INPP5A: variants seen among roughly 807,000 people sequenced by gnomAD.
INPP5A encodes 43 kDa inositol polyphosphate 5-phophatase.
In INPP5A, 14 loss-of-function variants were observed where a neutral mutation model predicts 65.2. That is an observed-to-expected ratio of 0.21 (90% CI 0.14 to 0.34). INPP5A has a LOEUF of 0.34. INPP5A is among the 10% of genes least tolerant of loss of function. The pLI is 1.00. For synonymous variants in INPP5A, 207 were observed against 208.3 expected, an observed-to-expected ratio of 0.99 and a Z score of 0.05; for missense variants, 431 against 545.6, an observed-to-expected ratio of 0.79 and a Z score of 2.09.
At chr10:132,631,828 A>G (rs2072279110) in intron 2 of INPP5A, among the ~76,000 whole-genome samples, 1 of 152,244 alleles carries the variant, frequency 6.6e-6, no homozygotes, top group Admixed American at 6.5e-5. Context: ...AGGACACTAT[A>G]ATAAAACAAC....
chr10:132,541,512 T>C (rs182662824), intron 1 of INPP5A, among the ~76,000 whole-genome samples: 11 of 152,332 alleles, frequency 7.2e-5, no homozygotes. Context: ...CCCCAAGCCC[T>C]TATCCCTCAC....
Position 132,590,453 on chromosome 10 carries a change from A to T in INPP5A, c.76-17462A>T, listed in dbSNP as rs1590851223. Among the ~76,000 whole-genome samples the T allele has an allele frequency of 2.0e-5, 3 of 152,220 alleles. No homozygotes were observed. In the South Asian group the frequency reaches 6.2e-4, roughly 32 times the overall value. On this transcript the variant is annotated intron_variant, in intron 1 of 15. Transcript: ENST00000368594. ...TGGGAAGTCAGGCTGGCTGTGTCCA[A>T]CACCTCCTGGGGCACAGAGGAGTGT...
chr10:132,671,325 TC>T (rs1414564509), intron 4 of INPP5A, among the ~76,000 whole-genome samples: 1 of 147,646 alleles, frequency 6.8e-6, no homozygotes, highest in Non-Finnish European at 1.5e-5. Context: ...GCTTGTGCCC[TC>T]CCTGCTTCGG....
rs1324786831 is a variant in INPP5A, at chr10:132,648,509, G to T, written c.219-1909G>T. On this transcript the variant is annotated intron_variant, in intron 3 of 15. Coordinates refer to ENST00000368594, the MANE Select transcript of INPP5A (RefSeq NM_005539.5). ...TTGTGTGGATTCTGCTTTTTATCTG[G>T]CACCCTTCTCTCTCTGCCTGAAGAA... is the stretch of plus-strand genomic sequence containing the variant. 2.6e-5 allele frequency among the ~76,000 whole-genome samples: 4 copies of T among 152,192 alleles called. No homozygotes were observed. In the South Asian group the frequency reaches 8.3e-4, roughly 32 times the overall value.
chr10:132,718,763 C>G (rs1845797050), intron 8 of INPP5A, among the ~76,000 whole-genome samples: 1 of 148,642 alleles, frequency 6.7e-6, no homozygotes, highest in Admixed American at 6.7e-5. Context: ...AGACGACTGT[C>G]TTCAGGGTTC....
Position 132,782,029 on chromosome 10 carries a change from C to T in INPP5A, c.*8-8C>T, listed in dbSNP as rs140711924. On this transcript the variant is annotated splice_region_variant and splice_polypyrimidine_tract_variant and intron_variant, in intron 15 of 15. Transcript: ENST00000368594. This position sits in a 1 kb window ranked among gnomAD's most constrained non-coding sequence, Gnocchi z 4.4. ...TGTTCCTTTAACAAATTACGAATTC[C>T]GTGACAGGGAAGAGATGCCAGCGCC... 1.2e-4 allele frequency: 193 copies of T among 1,602,014 alleles called. No homozygotes were observed. The highest frequency in any genetic ancestry group is 1.0e-3 in the Middle Eastern group (6 of 6,030).
intron 1 of INPP5A, among the ~76,000 whole-genome samples, chr10:132,561,088 C>T (rs1416864671): frequency 6.7e-6 from 1 of 148,202 alleles, no homozygotes; most frequent in African/African-American, 2.5e-5. Context: ...GGGTCTTCCC[C>T]TGTTGCCCAG....
At chr10:132,670,489 T>C (rs1159302766) in intron 4 of INPP5A, among the ~76,000 whole-genome samples, 1 of 136,496 alleles carries the variant, frequency 7.3e-6, no homozygotes, top group Admixed American at 7.4e-5. Flanking sequence ...TCTGCTGTAG[T>C]CCCCAGCCCC....
At chr10:132,725,659 GA>G (rs1361702427) in intron 8 of INPP5A, among the ~76,000 whole-genome samples, 2 of 152,372 alleles carry the variant, frequency 1.3e-5, no homozygotes, top group African/African-American at 4.8e-5. Flanking sequence ...TCCCAGCAGT[GA>G]CCTGCCCGGG....
chr10:132,687,902 G>A (rs956165872), intron 4 of INPP5A, among the ~76,000 whole-genome samples: 7 of 152,224 alleles, frequency 4.6e-5, no homozygotes, highest in African/African-American at 7.2e-5. Context: ...CTTGCCAGCC[G>A]GCCTCTCTTT....
intron 4 of INPP5A, among the ~76,000 whole-genome samples, chr10:132,668,271 C>T (rs2072833363): frequency 2.6e-5 from 4 of 152,148 alleles, no homozygotes; most frequent in African/African-American, 9.7e-5. Flanking sequence ...GAGAGCCTCA[C>T]GTTCCTGCCA....
In INPP5A at chr10:132,546,311, G is replaced by T. The variant is rs557248780; in HGVS notation, c.75+8140G>T. ...TGTTGGGAAAAGGCCCTCTGCTGCC[G>T]CTCCAGGTTCAGAAGATGCCGCTTC... On this transcript the variant is annotated intron_variant, in intron 1 of 15. Transcript: ENST00000368594. The surrounding 1 kb of genome is among the most constrained non-coding windows in gnomAD (Gnocchi z 5.7). Among the ~76,000 whole-genome samples the T allele has an allele frequency of 6.6e-6, 1 of 152,190 alleles. No individual in the cohort carries two copies. The highest frequency in any genetic ancestry group is 2.4e-5 in the African/African-American group (1 of 41,460).
At chr10:132,740,771 G>A (rs1168320200) in intron 9 of INPP5A, among the ~76,000 whole-genome samples, 2 of 152,154 alleles carry the variant, frequency 1.3e-5, no homozygotes, top group African/African-American at 4.8e-5. Context: ...GATGGGACTT[G>A]GCAAGTTTCT....
chr10:132,683,650 C>G (rs1034505208), intron 4 of INPP5A, among the ~76,000 whole-genome samples: 1 of 152,230 alleles, frequency 6.6e-6, no homozygotes, highest in Non-Finnish European at 1.5e-5. Flanking sequence ...GCATCAATTA[C>G]AATACTCAAA....
Position 132,663,004 on chromosome 10 carries a change from G to A in INPP5A, c.306+12499G>A, listed in dbSNP as rs1174566229. On this transcript the variant is annotated intron_variant, in intron 4 of 15. Coordinates refer to ENST00000368594, the MANE Select transcript of INPP5A (RefSeq NM_005539.5). The surrounding 1 kb of genome is among the most constrained non-coding windows in gnomAD (Gnocchi z 4.5). Reference sequence around the variant, plus strand: ...CTCTAGAAGGAAAATCTAGTCTTGTGGTGGATGGCTTGTGAGGGGTCAAAC... The same window carrying A: ...CTCTAGAAGGAAAATCTAGTCTTGTAGTGGATGGCTTGTGAGGGGTCAAAC... 6.6e-6 allele frequency among the ~76,000 whole-genome samples: 1 copy of A among 152,122 alleles called. No individual in the cohort carries two copies. The highest frequency in any genetic ancestry group is 1.5e-5 in the Non-Finnish European group (1 of 68,026).
chr10:132,557,434 AG>A (rs770845465), intron 1 of INPP5A, among the ~76,000 whole-genome samples: 1 of 152,254 alleles, frequency 6.6e-6, no homozygotes, highest in Non-Finnish European at 1.5e-5. Context: ...CAGAGTCACG[AG>A]GGGGGTTTCC....
intron 11 of INPP5A, among the ~76,000 whole-genome samples, chr10:132,757,541 T>C (rs1846647363): frequency 6.6e-6 from 1 of 152,242 alleles, no homozygotes; most frequent in South Asian, 2.1e-4. Context: ...CGCTGTGATG[T>C]CCCACAGCGA....
intron 2 of INPP5A, among the ~76,000 whole-genome samples, chr10:132,630,962 T>C (rs1390283570): frequency 6.6e-6 from 1 of 152,152 alleles, no homozygotes; most frequent in Non-Finnish European, 1.5e-5. Flanking sequence ...CTTAAGTCAC[T>C]TGCCCTATCT....
At chr10:132,717,274 C>CGGCTGTCTTGCGGG (rs1564979998) in intron 8 of INPP5A, among the ~76,000 whole-genome samples, 2 of 151,870 alleles carry the variant, frequency 1.3e-5, no homozygotes, top group African/African-American at 4.9e-5. Context: ...ACCTCAGGTG[C>CGGCTGTCTTGCGGG]TGGCCCCTAA....
Sources: allele counts gnomAD v4.1 joint callset (sites outside exome capture counted in the v4.1 genomes callset), GRCh38; gene constraint gnomAD v4.1.1; non-coding constraint Gnocchi (gnomAD v3.1); transcripts MANE v1.5; gene names NCBI Gene and HGNC (gene_info 2026-07-23, HGNC 2026-07-21).